The following ZNF521 variants were observed in gnomAD, a reference collection of about 807,000 sequenced individuals.
ZNF521 encodes the protein LYST-interacting protein 3.
Under a neutral mutation model 105.5 loss-of-function variants are expected in ZNF521, and 14 were observed. The observed-to-expected ratio is 0.13, with a 90% CI of 0.09 to 0.21. The LOEUF is 0.21. Ranked by LOEUF, ZNF521 falls within the 10% of genes least tolerant of loss-of-function variation. ZNF521 has a pLI of 1.00. For synonymous variants in ZNF521, 635 were observed against 606.0 expected (o/e 1.05, Z -0.70); for missense variants, 1,233 against 1,629.7 (o/e 0.76, Z 4.19).
chr18:25,163,501 A>C (rs1202913833), intron 5 of ZNF521, among the ~76,000 whole-genome samples: 3 of 152,092 alleles, frequency 2.0e-5, no homozygotes, highest in Non-Finnish European at 2.9e-5. Context: ...ACAGGCCAGG[A>C]GTGTGAGGGC....
intron 5 of ZNF521, among the ~76,000 whole-genome samples, chr18:25,127,521 T>C (rs1204369227): frequency 6.6e-6 from 1 of 152,000 alleles, no homozygotes; most frequent in Non-Finnish European, 1.5e-5. Flanking sequence ...GGAGAATTTA[T>C]GCAACTTGCC....
chr18:25,351,008 G>A, intron 1 of ZNF521, 61 bp from the exon 2 acceptor site: 2 of 1,403,156 alleles, frequency 1.4e-6, no homozygotes, highest in Non-Finnish European at 1.9e-6. Flanking sequence ...ACTTCCTCGT[G>A]GCCGCGCGCC....
At chr18:25,116,879 A>ATATATACATGTG (rs1283128488) in intron 5 of ZNF521, among the ~76,000 whole-genome samples, 1 of 52,184 alleles carries the variant, frequency 1.9e-5, no homozygotes, top group Non-Finnish European at 6.6e-5. Context: ...ACGTATATAT[A>ATATATACATGTG]TATATATACG....
In ZNF521 at chr18:25,175,419, T is replaced by C. The variant is rs1600120105; in HGVS notation, c.3658+19741A>G. Among the ~76,000 whole-genome samples, 3 of 152,224 alleles carry C rather than the reference T, an allele frequency of 2.0e-5. No individual in the cohort carries two copies. In the East Asian group the frequency reaches 5.8e-4, roughly 29 times the overall value. On this transcript the variant is annotated intron_variant, in intron 5 of 7. Coordinates refer to ENST00000361524, the MANE Select transcript of ZNF521 (RefSeq NM_015461.3). ...AATTATTTATACATCATTGGGGTTC[T>C]ATGTAATGTAAAAGTTGAAATGGAT...
chr18:25,267,062 T>C (rs995040188), intron 3 of ZNF521, among the ~76,000 whole-genome samples: 25 of 152,062 alleles, frequency 1.6e-4, no homozygotes, highest in African/African-American at 6.0e-4. Context: ...CAGTCGAAGG[T>C]TGACCTGGGA....
chr18:25,224,240 A>T (rs182593543), intron 4 of ZNF521, 105 bp downstream of exon 4: 89 of 1,065,554 alleles, frequency 8.4e-5, no homozygotes, highest in Non-Finnish European at 1.1e-4. Context: ...CAATCTAAGC[A>T]TCTTTTGGCC....
intron 5 of ZNF521, among the ~76,000 whole-genome samples, chr18:25,142,604 T>G (rs2077208109): frequency 6.6e-6 from 1 of 152,102 alleles, no homozygotes; most frequent in Non-Finnish European, 1.5e-5. Flanking sequence ...TACCAAGTCT[T>G]AGAATATCTA....
intron 4 of ZNF521, among the ~76,000 whole-genome samples, chr18:25,223,555 A>G (rs570375332): frequency 5.3e-5 from 8 of 152,214 alleles, no homozygotes; most frequent in South Asian, 4.1e-4. Context: ...GATAAAGCAT[A>G]AAGAAATATT....
chr18:25,157,218 A>G (rs1211604349), intron 5 of ZNF521, among the ~76,000 whole-genome samples: 2 of 152,266 alleles, frequency 1.3e-5, no homozygotes, highest in South Asian at 2.1e-4. Flanking sequence ...AATAAAAAAA[A>G]GCAAATAATC....
At position 25,276,345 on chromosome 18, in the gene ZNF521, T is replaced by A. The variant is rs542802229; in HGVS notation, c.220+45663A>T. Among the ~76,000 whole-genome samples the A allele has an allele frequency of 4.6e-5, 7 of 152,212 alleles. No homozygotes were observed. In the East Asian group the frequency reaches 1.4e-3, roughly 29 times the overall value. On this transcript the variant is annotated intron_variant, in intron 3 of 7. Coordinates refer to ENST00000361524, the MANE Select transcript of ZNF521 (RefSeq NM_015461.3). Reference sequence around the variant, plus strand: ...ATAAATATAATACCCAATAGACTCCTGAGAGATATACAAAATTAATCCCAC... The same window carrying A: ...ATAAATATAATACCCAATAGACTCCAGAGAGATATACAAAATTAATCCCAC...
chr18:25,171,513 T>A (rs1327004408), intron 5 of ZNF521, among the ~76,000 whole-genome samples: 1 of 152,160 alleles, frequency 6.6e-6, no homozygotes, highest in Non-Finnish European at 1.5e-5. Context: ...AGATTAGTGG[T>A]GACAGATTTA....
At chr18:25,177,991 T>C (rs2035563421) in intron 5 of ZNF521, among the ~76,000 whole-genome samples, 1 of 152,186 alleles carries the variant, frequency 6.6e-6, no homozygotes, top group Non-Finnish European at 1.5e-5. Flanking sequence ...AGTATTAACA[T>C]AAAAGAGTGT....
chr18:25,335,984 G>C (rs539477706), intron 2 of ZNF521, among the ~76,000 whole-genome samples: 1 of 152,108 alleles, frequency 6.6e-6, no homozygotes. Context: ...GGGAAGTTAA[G>C]GGGAAATTAA....
At chr18:25,343,839 G>A (rs545236390) in intron 2 of ZNF521, among the ~76,000 whole-genome samples, 5 of 152,020 alleles carry the variant, frequency 3.3e-5, no homozygotes, top group Non-Finnish European at 4.4e-5. Context: ...TTTAAAAAGT[G>A]TTCTAAGAAA....
chr18:25,101,584 G>T, intron 5 of ZNF521, among the ~76,000 whole-genome samples: 1 of 152,068 alleles, frequency 6.6e-6, no homozygotes, highest in East Asian at 1.9e-4. Flanking sequence ...AGGAATATGA[G>T]GAGAAAAGAA....
intron 3 of ZNF521, among the ~76,000 whole-genome samples, chr18:25,264,361 T>C (rs1318311788): frequency 6.6e-6 from 1 of 152,244 alleles, no homozygotes; most frequent in Non-Finnish European, 1.5e-5. Flanking sequence ...TGGAATATAC[T>C]CAACTGAGTT....
At chr18:25,283,175 C>G (rs1430009618) in intron 3 of ZNF521, among the ~76,000 whole-genome samples, 2 of 152,218 alleles carry the variant, frequency 1.3e-5, no homozygotes, top group African/African-American at 4.8e-5. Flanking sequence ...CCTCCACTCA[C>G]TATCTTTTTT....
At chr18:25,294,450 A>G (rs1486143189) in intron 3 of ZNF521, among the ~76,000 whole-genome samples, 1 of 152,224 alleles carries the variant, frequency 6.6e-6, no homozygotes, top group Non-Finnish European at 1.5e-5. Flanking sequence ...TTAAATTACT[A>G]GACACTAGTA....
chr18:25,205,351 T>C (rs910877068), intron 4 of ZNF521, among the ~76,000 whole-genome samples: 3 of 151,992 alleles, frequency 2.0e-5, no homozygotes, highest in Admixed American at 2.0e-4. Context: ...AGGTAAGAAA[T>C]TGAAGGTGGG....
Sources: gnomAD v4.1 joint callset for allele counts (sites outside exome capture counted in the v4.1 genomes callset) on GRCh38, gnomAD v4.1.1 for gene constraint, MANE v1.5 for transcripts, NCBI Gene and HGNC (gene_info 2026-07-23, HGNC 2026-07-21) for gene names.